The following ZSCAN25 variants were observed in gnomAD, a reference collection of about 807,000 sequenced individuals.
ZSCAN25 encodes the protein zinc finger and SCAN domain-containing protein 25.
In ZSCAN25, 27 loss-of-function variants were observed where a neutral mutation model predicts 38.7. The observed-to-expected ratio is 0.70, with a 90% CI of 0.51 to 0.96. The LOEUF is 0.96. Ranked by LOEUF, ZSCAN25 falls within the 40% of genes least tolerant of loss-of-function variation. ZSCAN25 has a pLI of 0.00. For synonymous variants in ZSCAN25, 273 were observed against 277.7 expected (o/e 0.98, Z 0.17); for missense variants, 637 against 705.9 (o/e 0.90, Z 1.11).
At chr7:99,664,143 CTT>C in the ZSCAN25 span, 2 of 1,427,666 alleles carry the variant, frequency 1.4e-6, no homozygotes, top group South Asian at 2.6e-5. Flanking sequence ...AAAATGCAAA[CTT>C]TACCTGGAGC....
chr7:99,648,232 T>C, the ZSCAN25 span: 2 of 1,558,708 alleles, frequency 1.3e-6, no homozygotes, highest in Non-Finnish European at 1.7e-6. Flanking sequence ...AAGGTTTTAT[T>C]GACTAAGTTG....
chr7:99,646,282 A>T, the ZSCAN25 span, among the ~76,000 whole-genome samples: 2 of 152,022 alleles, frequency 1.3e-5, no homozygotes, highest in African/African-American at 4.8e-5. Context: ...GTCCTCTTCA[A>T]TTTCTTTCAT....
At chr7:99,638,595 G>C in the ZSCAN25 span, 1 of 1,580,838 alleles carries the variant, frequency 6.3e-7, no homozygotes, top group Non-Finnish European at 8.7e-7. Context: ...TGTTGAACTT[G>C]ACATTTTTGT....
Position 99,630,199 on chromosome 7 carries a change from T to A in ZSCAN25, c.*179T>A. The A allele has an allele frequency of 1.4e-6, 2 of 1,382,948 alleles. No individual in the cohort carries two copies. Among genetic ancestry groups the A allele is most frequent in the Non-Finnish European group, 1.9e-6 (2 of 1,074,118 alleles). The allele number at this position is 1,382,948 out of a possible 1,614,324, so 85.7% of individuals were successfully genotyped here. On this transcript the variant is annotated 3_prime_UTR_variant, in exon 8 of 8. Transcript: ENST00000394152. ...CAGAGAGCATAGCTGCTTCCATCTCTTACCCAAGTGGTGCTAAACAATTTT... is the reference window on the plus strand; with the variant it reads ...CAGAGAGCATAGCTGCTTCCATCTCATACCCAAGTGGTGCTAAACAATTTT...
the ZSCAN25 span, chr7:99,671,912 C>T: frequency 1.4e-6 from 1 of 695,534 alleles, no homozygotes; most frequent in Non-Finnish European, 2.6e-6. Context: ...GAACTACCCA[C>T]ACACATAAAC....
intron 1 of ZSCAN25, among the ~76,000 whole-genome samples, chr7:99,617,678 A>G (rs1806586608): frequency 6.6e-6 from 1 of 152,188 alleles, no homozygotes; most frequent in Non-Finnish European, 1.5e-5. Flanking sequence ...CTAGGAGGCA[A>G]AGGCTGCAGT....
the ZSCAN25 span, among the ~76,000 whole-genome samples, chr7:99,692,213 A>C: frequency 6.6e-6 from 1 of 152,152 alleles, no homozygotes; most frequent in Admixed American, 6.5e-5. Flanking sequence ...AAGTATGTTG[A>C]ATATTGACCC....
the ZSCAN25 span, among the ~76,000 whole-genome samples, chr7:99,700,599 TC>T: frequency 2.0e-5 from 3 of 152,110 alleles, no homozygotes; most frequent in Non-Finnish European, 4.4e-5. Flanking sequence ...GTGCCTCCTA[TC>T]CCCCTCACAC....
At chr7:99,662,766 C>T in the ZSCAN25 span, 5 of 1,540,346 alleles carry the variant, frequency 3.2e-6, no homozygotes, top group Non-Finnish European at 4.5e-6. This position sits in a 1 kb window ranked among gnomAD's most constrained non-coding sequence, Gnocchi z 4.3. Context: ...GAACAAGGCC[C>T]TCCCTCTTAG....
chr7:99,628,539 A>G (rs947128590), intron 7 of ZSCAN25, among the ~76,000 whole-genome samples: 1 of 152,228 alleles, frequency 6.6e-6, no homozygotes, highest in Non-Finnish European at 1.5e-5. Context: ...GTCCTGATAA[A>G]TATGCTACCT....
chr7:99,676,718 T>C, the ZSCAN25 span: 2 of 486,530 alleles, frequency 4.1e-6, no homozygotes. Flanking sequence ...TTTATGCTTT[T>C]TCTTCCCTCT....
At chr7:99,662,689 A>C in the ZSCAN25 span, 1 of 868,642 alleles carries the variant, frequency 1.2e-6, no homozygotes, top group Non-Finnish European at 1.8e-6. This position sits in a 1 kb window ranked among gnomAD's most constrained non-coding sequence, Gnocchi z 4.3. Flanking sequence ...TATAACATCT[A>C]AATGTGTGTT....
chr7:99,674,906 G>T, the ZSCAN25 span, among the ~76,000 whole-genome samples: 1 of 152,198 alleles, frequency 6.6e-6, no homozygotes, highest in Non-Finnish European at 1.5e-5. Flanking sequence ...CTAACCCCGT[G>T]AATGATCACC....
the ZSCAN25 span, among the ~76,000 whole-genome samples, chr7:99,678,231 A>G: frequency 6.6e-6 from 1 of 152,234 alleles, no homozygotes; most frequent in South Asian, 2.1e-4. Flanking sequence ...CCCTGTGTCC[A>G]GGCTTGAAGC....
the ZSCAN25 span, among the ~76,000 whole-genome samples, chr7:99,673,678 G>C: frequency 1.3e-4 from 20 of 152,188 alleles, no homozygotes; most frequent in Non-Finnish European, 5.9e-5. Context: ...CAGTCTAAAT[G>C]AAGGAGTTTT....
At chr7:99,643,063 A>G in the ZSCAN25 span, among the ~76,000 whole-genome samples, 1 of 152,194 alleles carries the variant, frequency 6.6e-6, no homozygotes, top group East Asian at 1.9e-4. Context: ...TAATGTAGGT[A>G]ATGAAGTTAT....
the ZSCAN25 span, among the ~76,000 whole-genome samples, chr7:99,687,794 G>A: frequency 1.3e-5 from 2 of 152,158 alleles, no homozygotes; most frequent in Admixed American, 6.5e-5. Flanking sequence ...ACCCACAAAG[G>A]GAAGCCCATC....
At chr7:99,728,622 A>G in the ZSCAN25 span, among the ~76,000 whole-genome samples, 1 of 152,162 alleles carries the variant, frequency 6.6e-6, no homozygotes, top group Non-Finnish European at 1.5e-5. Context: ...TGCTAATTGG[A>G]CAGGTACATG....
the ZSCAN25 span, among the ~76,000 whole-genome samples, chr7:99,641,507 G>A: frequency 6.6e-6 from 1 of 152,082 alleles, no homozygotes; most frequent in Non-Finnish European, 1.5e-5. Flanking sequence ...CCTACCTCCA[G>A]GAGCTATTTG....
Sources: gnomAD v4.1 joint callset for allele counts (sites outside exome capture counted in the v4.1 genomes callset) on GRCh38, gnomAD v4.1.1 for gene constraint, Gnocchi (gnomAD v3.1) non-coding constraint, MANE v1.5 for transcripts, NCBI Gene and HGNC (gene_info 2026-07-23, HGNC 2026-07-21) for gene names.